BTD: variants seen among roughly 807,000 people sequenced by gnomAD.
BTD encodes the protein biocytinase.
Under a neutral mutation model 17.7 loss-of-function variants are expected in BTD, and 13 were observed. The ratio of observed to expected loss-of-function variants is 0.74; its 90% CI spans 0.48 to 1.17. BTD has a LOEUF of 1.17. BTD is among the 50% of genes most tolerant of loss of function. The probability of loss-of-function intolerance (pLI) is 0.00; values close to 1 mark genes in which losing one functional copy is unlikely to be tolerated. For synonymous variants in BTD, 240 were observed against 245.2 expected, an observed-to-expected ratio of 0.98 and a Z score of 0.20; for missense variants, 674 against 650.4, an observed-to-expected ratio of 1.04 and a Z score of -0.39.
chr3:15,625,013 C>A (rs770066105), intron 1 of BTD, among the ~76,000 whole-genome samples: 1 of 152,202 alleles, frequency 6.6e-6, no homozygotes, highest in Admixed American at 6.5e-5. Context: ...CATGAGCCAC[C>A]GCACCTGGCC....
intron 3 of BTD, chr3:15,677,003 G>A: frequency 1.2e-6 from 2 of 1,612,944 alleles, no homozygotes; most frequent in Non-Finnish European, 1.7e-6. Flanking sequence ...TTGCATTGAT[G>A]AGGTTTCTAT....
chr3:15,668,447 T>C (rs992706241), intron 3 of BTD: 4 of 152,526 alleles, frequency 2.6e-5, no homozygotes, highest in Non-Finnish European at 5.9e-5. Context: ...TTAGGAAGGG[T>C]TCATTATGAC....
At chr3:15,602,719 A>C (rs1405290745) in intron 1 of BTD, among the ~76,000 whole-genome samples, 1 of 152,094 alleles carries the variant, frequency 6.6e-6, no homozygotes, top group Non-Finnish European at 1.5e-5. Context: ...CTAAACCCAG[A>C]CATTTTCAAA....
intron 4 of BTD, among the ~76,000 whole-genome samples, chr3:15,719,467 A>T (rs1195609182): frequency 6.6e-6 from 1 of 152,224 alleles, no homozygotes. Context: ...AATTCTAAAA[A>T]ATCTAATAAA....
At chr3:15,685,439 T>G (rs1270937830) in intron 3 of BTD, 2 of 1,613,952 alleles carry the variant, frequency 1.2e-6, no homozygotes, top group Non-Finnish European at 1.7e-6. Flanking sequence ...TCATGGCCTG[T>G]AACTGCCTGA....
intron 3 of BTD, among the ~76,000 whole-genome samples, chr3:15,697,766 C>T (rs2069866386): frequency 1.3e-5 from 2 of 152,146 alleles, no homozygotes; most frequent in South Asian, 2.1e-4. Context: ...AGGGAGGATT[C>T]CCTCTTTTTC....
At chr3:15,716,263 T>C (rs2073023386), downstream of BTD, among the ~76,000 whole-genome samples, 1 of 150,850 alleles carries the variant, frequency 6.6e-6, no homozygotes, top group Non-Finnish European at 1.5e-5. Context: ...ATTACAGGCA[T>C]GAGCCACCGC....
intron 1 of BTD, among the ~76,000 whole-genome samples, chr3:15,603,090 C>T (rs140144995): frequency 2.6e-5 from 4 of 152,126 alleles, no homozygotes; most frequent in Non-Finnish European, 5.9e-5. Flanking sequence ...AAAATCCCCT[C>T]CCCATGATTC....
rs955532869 is a variant in BTD, at chr3:15,650,612, G to C, written c.*5124G>C. Among the ~76,000 whole-genome samples the C allele has an allele frequency of 2.6e-5, 4 of 152,016 alleles. No homozygotes were observed. Among genetic ancestry groups the C allele is most frequent in the Admixed American group, 2.6e-4 (4 of 15,262 alleles). ...CAGACTCTCGTGTAGTTGCAACAAT[G>C]GCCATGACTTCTAGGCTTCATCTGC... is the stretch of plus-strand genomic sequence containing the variant. On this transcript the variant is annotated 3_prime_UTR_variant, in exon 4 of 4. Transcript: ENST00000643237.
At chr3:15,641,320 T>C (rs1476099399) in intron 2 of BTD, among the ~76,000 whole-genome samples, 1 of 152,156 alleles carries the variant, frequency 6.6e-6, no homozygotes, top group African/African-American at 2.4e-5. Context: ...GCCCAGTGGA[T>C]CCTAACCTTG....
exon 4 of BTD, among the ~76,000 whole-genome samples, chr3:15,711,755 C>T (rs1380476215): frequency 6.6e-6 from 1 of 151,878 alleles, no homozygotes; most frequent in Non-Finnish European, 1.5e-5. Context: ...GGCACAATCT[C>T]GGCTTACTGC....
intron 3 of BTD, among the ~76,000 whole-genome samples, chr3:15,662,202 A>C (rs1018600383): frequency 6.6e-6 from 1 of 152,208 alleles, no homozygotes; most frequent in Non-Finnish European, 1.5e-5. Context: ...TGAATCTATA[A>C]AGTTGGCAAG....
exon 4 of BTD, chr3:15,711,199 C>T: frequency 1.9e-6 from 3 of 1,603,212 alleles, no homozygotes; most frequent in Non-Finnish European, 2.6e-6. Context: ...AATAAAAATA[C>T]TATTAACATA....
intron 3 of BTD, among the ~76,000 whole-genome samples, chr3:15,700,518 G>A (rs1240605722): frequency 6.6e-6 from 1 of 151,908 alleles, no homozygotes; most frequent in Non-Finnish European, 1.5e-5. Flanking sequence ...GCTCATGCCT[G>A]TAATCCCAGC....
At chr3:15,721,867 C>G (rs2073770545) in exon 5 of BTD, among the ~76,000 whole-genome samples, 2 of 152,096 alleles carry the variant, frequency 1.3e-5, no homozygotes, top group Middle Eastern at 3.2e-3. Context: ...GCCTCAGCCT[C>G]CTGAGTAACT....
At chr3:15,679,420 A>G in intron 3 of BTD, 2 of 1,612,896 alleles carry the variant, frequency 1.2e-6, no homozygotes, top group Non-Finnish European at 1.7e-6. Context: ...TCTCACAGCA[A>G]TGGTGTATTT....
intron 3 of BTD, chr3:15,709,774 A>G (rs1430252700): frequency 7.3e-7 from 1 of 1,372,754 alleles, no homozygotes; most frequent in Non-Finnish European, 1.0e-6. Flanking sequence ...CTTAATTGAC[A>G]GTGATTTTAT....
At chr3:15,638,080 T>C (rs1398432889) in intron 2 of BTD, among the ~76,000 whole-genome samples, 1 of 152,252 alleles carries the variant, frequency 6.6e-6, no homozygotes, top group African/African-American at 2.4e-5. Context: ...TGCTGGGGCC[T>C]ATTGTTCTCA....
At chr3:15,632,137 G>A (rs539126768) in intron 1 of BTD, among the ~76,000 whole-genome samples, 7 of 152,062 alleles carry the variant, frequency 4.6e-5, no homozygotes, top group African/African-American at 7.2e-5. Flanking sequence ...TTCAGGCCTC[G>A]GTCCAAACAT....
Sources: gnomAD v4.1 joint callset for allele counts (sites outside exome capture counted in the v4.1 genomes callset) on GRCh38, gnomAD v4.1.1 for gene constraint, MANE v1.5 for transcripts, NCBI Gene and HGNC (gene_info 2026-07-23, HGNC 2026-07-21) for gene names.